NRXN3: variants seen among roughly 807,000 people sequenced by gnomAD.
NRXN3 encodes neurexin III.
Under a neutral mutation model 137.6 loss-of-function variants are expected in NRXN3, and 32 were observed. That is an observed-to-expected ratio of 0.23 (90% CI 0.18 to 0.31). The LOEUF (loss-of-function observed/expected upper bound fraction) is 0.31, where lower values mean the gene tolerates loss of function less well. NRXN3 is among the 10% of genes least tolerant of loss of function. NRXN3 has a pLI of 1.00. For missense variants in NRXN3, 1,574 were observed against 2,062.5 expected (o/e 0.76, Z 4.59); for synonymous variants, 798 against 784.5 (o/e 1.02, Z -0.29).
At chr14:79,245,721 C>T (rs1298756885) in intron 15 of NRXN3, among the ~76,000 whole-genome samples, 1 of 152,130 alleles carries the variant, frequency 6.6e-6, no homozygotes, top group East Asian at 1.9e-4. Context: ...ACTCCTGGCA[C>T]ACATTGCATT....
chr14:79,294,390 G>A (rs986751595), intron 15 of NRXN3, among the ~76,000 whole-genome samples: 30 of 152,194 alleles, frequency 2.0e-4, no homozygotes, highest in Admixed American at 1.9e-3. Context: ...TGTGGTTGAT[G>A]TAGTTTGGGC....
At chr14:79,031,067 T>G (rs1250792503) in intron 15 of NRXN3, among the ~76,000 whole-genome samples, 1 of 152,162 alleles carries the variant, frequency 6.6e-6, no homozygotes, top group Non-Finnish European at 1.5e-5. Flanking sequence ...ATGGCCCATC[T>G]GGATTAAGTT....
At chr14:79,112,899 G>A (rs530492225) in intron 15 of NRXN3, among the ~76,000 whole-genome samples, 1 of 152,166 alleles carries the variant, frequency 6.6e-6, no homozygotes, top group East Asian at 1.9e-4. Context: ...TGATGAAAAA[G>A]ATTAGGCAAA....
chr14:78,947,735 C>T (rs533559853), intron 10 of NRXN3, among the ~76,000 whole-genome samples: 6 of 152,310 alleles, frequency 3.9e-5, no homozygotes, highest in African/African-American at 1.4e-4. Context: ...CATGGTCCCT[C>T]AGCCTGCCCT....
chr14:78,855,970 G>A (rs1284196063), intron 10 of NRXN3, among the ~76,000 whole-genome samples: 1 of 152,116 alleles, frequency 6.6e-6, no homozygotes, highest in Non-Finnish European at 1.5e-5. Flanking sequence ...TTCTGACCTG[G>A]TCAAGCCACT....
At chr14:79,625,755 T>C (rs1200837499) in intron 16 of NRXN3, among the ~76,000 whole-genome samples, 3 of 152,342 alleles carry the variant, frequency 2.0e-5, no homozygotes, top group East Asian at 3.9e-4. Context: ...TTCCCAGTTG[T>C]CCTGTATGTA....
chr14:78,715,219 C>G (rs1174985238), intron 8 of NRXN3, 80 bp downstream of exon 8: 2 of 1,515,128 alleles, frequency 1.3e-6, no homozygotes, highest in South Asian at 1.2e-5. Flanking sequence ...CAGCCCAAGC[C>G]TTCGCACCTA....
In NRXN3 at chr14:78,592,189, C is replaced by G. The variant is rs1462628931; in HGVS notation, c.758-52931C>G. On this transcript the variant is annotated intron_variant, in intron 4 of 20. Coordinates refer to ENST00000335750, the MANE Select transcript of NRXN3 (RefSeq NM_001330195.2). Reference sequence around the variant, plus strand: ...GGCTGAAGCTTTTCTACTAACTGAACCATCTTTTCTTTTTTATTCTTGTTA... The same window carrying G: ...GGCTGAAGCTTTTCTACTAACTGAAGCATCTTTTCTTTTTTATTCTTGTTA... Among the ~76,000 whole-genome samples, 4 of 152,062 alleles carry G rather than the reference C, an allele frequency of 2.6e-5. No homozygotes were observed. The South Asian group carries it at 8.3e-4, about 32-fold the overall frequency.
intron 4 of NRXN3, among the ~76,000 whole-genome samples, chr14:78,460,710 G>T (rs986519669): frequency 6.6e-6 from 1 of 152,194 alleles, no homozygotes. Context: ...AATGAAAAAG[G>T]TTCATGGATT....
At chr14:78,388,475 ATTTT>A (rs979276893) in intron 4 of NRXN3, among the ~76,000 whole-genome samples, 1 of 150,830 alleles carries the variant, frequency 6.6e-6, no homozygotes, top group African/African-American at 2.4e-5. Context: ...TAAGCACAAG[ATTTT>A]TTTTTTCTTA....
chr14:79,419,870 G>A (rs967419752), intron 15 of NRXN3, among the ~76,000 whole-genome samples: 2 of 152,144 alleles, frequency 1.3e-5, no homozygotes, highest in Non-Finnish European at 2.9e-5. Flanking sequence ...ACAGGAAAGA[G>A]TGGTGAGAGA....
At chr14:78,782,867 G>A (rs375293088) in intron 8 of NRXN3, among the ~76,000 whole-genome samples, 1 of 152,152 alleles carries the variant, frequency 6.6e-6, no homozygotes, top group East Asian at 1.9e-4. Context: ...AGATACATAT[G>A]TGTTCAAATG....
chr14:78,839,383 C>T (rs1479391042), intron 10 of NRXN3, among the ~76,000 whole-genome samples: 1 of 152,148 alleles, frequency 6.6e-6, no homozygotes, highest in Non-Finnish European at 1.5e-5. Flanking sequence ...CACAGTCAGT[C>T]GTGATAAGGA....
At chr14:79,399,008 CAAAA>C (rs34172134) in intron 15 of NRXN3, among the ~76,000 whole-genome samples, 2 of 76,168 alleles carry the variant, frequency 2.6e-5, no homozygotes, top group East Asian at 4.3e-4. Flanking sequence ...GACTCCATCT[CAAAA>C]AAAAAAAAAA....
At chr14:78,260,035 CG>C (rs2070428699) in intron 2 of NRXN3, among the ~76,000 whole-genome samples, 1 of 152,158 alleles carries the variant, frequency 6.6e-6, no homozygotes, top group Admixed American at 6.6e-5. Flanking sequence ...CGCTGAAACT[CG>C]GGAATGTTAT....
intron 10 of NRXN3, among the ~76,000 whole-genome samples, chr14:78,860,838 G>A (rs1050914321): frequency 6.6e-6 from 1 of 152,040 alleles, no homozygotes; most frequent in African/African-American, 2.4e-5. Context: ...TCTCAGGCAT[G>A]GCAGAGGTGG....
chr14:79,746,768 AC>A (rs1358026605), intron 19 of NRXN3, among the ~76,000 whole-genome samples: 2 of 152,050 alleles, frequency 1.3e-5, no homozygotes, highest in African/African-American at 2.4e-5. Context: ...TTACTCCTTT[AC>A]TTTGTGGTCA....
At chr14:78,278,552 A>G (rs931263688) in intron 2 of NRXN3, 93 bp from the exon 3 acceptor site, 2 of 937,260 alleles carry the variant, frequency 2.1e-6, no homozygotes, top group Admixed American at 2.0e-5. Context: ...AGCACATTGC[A>G]TTGTGTGTGT....
At chr14:78,298,519 G>A (rs969586088) in intron 4 of NRXN3, among the ~76,000 whole-genome samples, 2 of 152,224 alleles carry the variant, frequency 1.3e-5, no homozygotes, top group African/African-American at 4.8e-5. Flanking sequence ...AAATATGCAA[G>A]GAATGAACTG....
Sources: gnomAD v4.1 joint callset for allele counts (sites outside exome capture counted in the v4.1 genomes callset) on GRCh38, gnomAD v4.1.1 for gene constraint, MANE v1.5 for transcripts, NCBI Gene and HGNC (gene_info 2026-07-23, HGNC 2026-07-21) for gene names.